The following ANK1 variants were observed in gnomAD, a reference collection of about 807,000 sequenced individuals.
The protein encoded by ANK1 is ankyrin-1.
In ANK1, 51 loss-of-function variants were observed where a neutral mutation model predicts 210.4. The ratio of observed to expected loss-of-function variants is 0.24; its 90% confidence interval spans 0.19 to 0.31. The LOEUF (loss-of-function observed/expected upper bound fraction) is 0.31, where lower values mean the gene tolerates loss of function less well. ANK1 is among the 10% of genes least tolerant of loss of function. ANK1 has a pLI of 1.00. For missense variants in ANK1, 2,051 were observed against 2,504.4 expected, an observed-to-expected ratio of 0.82 and a Z score of 3.86; for synonymous variants, 967 against 1,025.9, an observed-to-expected ratio of 0.94 and a Z score of 1.10.
chr8:41,793,950 T>C (rs879638), intron 1 of ANK1, among the ~76,000 whole-genome samples: 66,075 of 152,000 alleles, frequency 0.43, 14,809 homozygotes, highest in African/African-American at 0.49. Flanking sequence ...TGCAGAACTA[T>C]GTCAACAACC....
chr8:41,859,023 C>T (rs1812736300), intron 1 of ANK1, among the ~76,000 whole-genome samples: 1 of 152,198 alleles, frequency 6.6e-6, no homozygotes, highest in South Asian at 2.1e-4. Context: ...GCTGACCCCA[C>T]CAGGTTCAGC....
intron 2 of ANK1, among the ~76,000 whole-genome samples, chr8:41,753,602 T>C (rs998257402): frequency 6.6e-6 from 1 of 152,174 alleles, no homozygotes; most frequent in Non-Finnish European, 1.5e-5. Context: ...ATGTACTGCA[T>C]GACACTGAGG....
chr8:41,719,615 G>A (rs1427446455), intron 10 of ANK1, 46 bp downstream of exon 10: 1 of 1,611,198 alleles, frequency 6.2e-7, no homozygotes, highest in Non-Finnish European at 8.5e-7. Flanking sequence ...CCTGCCCCCA[G>A]CCTGCCCTGC....
At position 41,701,240 on chromosome 8, in the gene ANK1, G is replaced by A. The variant is rs943480985; in HGVS notation, c.2461+310C>T. On this transcript the variant is annotated intron_variant, in intron 22 of 42. Coordinates refer to ENST00000289734, the MANE Select transcript of ANK1 (RefSeq NM_000037.4). ...ATTTTATTACAGTTCCTCATGGTGC[G>A]GAGACTTGATCTCAGTAGAACCACG... Among the ~76,000 whole-genome samples the A allele has an allele frequency of 4.6e-5, 7 of 152,134 alleles. No homozygotes were observed. The South Asian group carries it at 8.3e-4, about 18-fold the overall frequency.
chr8:41,655,749 T>C lies in ANK1; in HGVS notation c.*41A>G, dbSNP rs926804085. ...GGTTCAGGGGTTGGGTGTCGAGGTG[T>C]GATCCTGGGAGACACAAAGAGAGAA... On this transcript the variant is annotated 3_prime_UTR_variant, in exon 43 of 43. Transcript: ENST00000289734. The C allele has an allele frequency of 1.2e-6, 2 of 1,613,960 alleles. No homozygotes were observed. Among genetic ancestry groups the C allele is most frequent in the African/African-American group, 2.7e-5 (2 of 74,898 alleles).
chr8:41,751,891 G>A (rs1168809202), intron 2 of ANK1, among the ~76,000 whole-genome samples: 1 of 152,058 alleles, frequency 6.6e-6, no homozygotes, highest in East Asian at 1.9e-4. Flanking sequence ...CCTCACCAAT[G>A]CAAGCCCTCT....
chr8:41,744,018 C>G (rs1835442968), intron 2 of ANK1, among the ~76,000 whole-genome samples: 1 of 152,094 alleles, frequency 6.6e-6, no homozygotes, highest in Non-Finnish European at 1.5e-5. Context: ...CAAAATGAGC[C>G]TGGGGCACCT....
At chr8:41,682,632 G>T (rs900652342) in intron 37 of ANK1, among the ~76,000 whole-genome samples, 1 of 152,224 alleles carries the variant, frequency 6.6e-6, no homozygotes, top group Non-Finnish European at 1.5e-5. Flanking sequence ...GAACCACTCG[G>T]GCAAGAATGC....
chr8:41,896,564 G>A (rs890454428), exon 1 of ANK1: 19 of 1,497,466 alleles, frequency 1.3e-5, no homozygotes, highest in East Asian at 2.7e-5. Flanking sequence ...AGAAGGGGAA[G>A]GGGGTCTCTG....
chr8:41,698,226 C>A (rs1563471665), intron 23 of ANK1, 105 bp from the exon 24 acceptor site: 7 of 1,114,712 alleles, frequency 6.3e-6, no homozygotes, highest in East Asian at 2.5e-5. Flanking sequence ...CACTCCAGAG[C>A]CTGACTGCGC....
intron 1 of ANK1, among the ~76,000 whole-genome samples, chr8:41,823,842 C>T (rs778591101): frequency 2.1e-4 from 32 of 152,240 alleles, no homozygotes; most frequent in Non-Finnish European, 3.7e-4. Context: ...TCCACCACCT[C>T]CTTCCTAACC....
At chr8:41,782,413 G>A (rs150492431) in intron 1 of ANK1, among the ~76,000 whole-genome samples, 9 of 152,234 alleles carry the variant, frequency 5.9e-5, no homozygotes, top group African/African-American at 1.9e-4. Flanking sequence ...CACCCTCTGC[G>A]TCTCCTTTTA....
At chr8:41,752,135 C>T (rs1486079210) in intron 2 of ANK1, among the ~76,000 whole-genome samples, 1 of 152,200 alleles carries the variant, frequency 6.6e-6, no homozygotes. Context: ...CCAACCACCC[C>T]ACCGAAATAG....
At chr8:41,859,603 G>C (rs552535658) in intron 1 of ANK1, among the ~76,000 whole-genome samples, 3 of 152,370 alleles carry the variant, frequency 2.0e-5, no homozygotes, top group African/African-American at 7.2e-5. Flanking sequence ...GCATCCCAAA[G>C]TGCTGAGATT....
intron 1 of ANK1, among the ~76,000 whole-genome samples, chr8:41,783,754 A>G (rs1016150211): frequency 3.3e-5 from 5 of 152,180 alleles, no homozygotes; most frequent in African/African-American, 7.2e-5. Context: ...GTCACAAACC[A>G]AGGAAGCATA....
At chr8:41,662,270 C>CA (rs1808620514) in intron 40 of ANK1, among the ~76,000 whole-genome samples, 1 of 149,946 alleles carries the variant, frequency 6.7e-6, no homozygotes, top group African/African-American at 2.5e-5. Context: ...AAAAAAAAGG[C>CA]GGGGGGGCTG....
chr8:41,738,220 A>G (rs1000881528), intron 2 of ANK1, among the ~76,000 whole-genome samples: 1 of 150,694 alleles, frequency 6.6e-6, no homozygotes, highest in African/African-American at 2.4e-5. Context: ...TTCTAAACCC[A>G]TAAGCTAAAA....
chr8:41,775,331 T>C (rs534142881), intron 1 of ANK1, among the ~76,000 whole-genome samples: 1 of 152,336 alleles, frequency 6.6e-6, no homozygotes, highest in Admixed American at 6.5e-5. Flanking sequence ...GGGTGGCCCA[T>C]TGCCAGCCAG....
intron 37 of ANK1, 96 bp from the exon 38 acceptor site, chr8:41,673,008 G>T: frequency 7.7e-7 from 1 of 1,305,398 alleles, no homozygotes; most frequent in Non-Finnish European, 1.1e-6. Context: ...ACACACATGC[G>T]GGTGCGGCCA....
Sources: allele counts gnomAD v4.1 joint callset (sites outside exome capture counted in the v4.1 genomes callset), GRCh38; gene constraint gnomAD v4.1.1; transcripts MANE v1.5; gene names NCBI Gene and HGNC (gene_info 2026-07-23, HGNC 2026-07-21).